The following CAMTA1 variants were observed in gnomAD, a reference collection of about 807,000 sequenced individuals.
CAMTA1 encodes calmodulin binding transcription activator 1, also known as calmodulin-binding transcription activator 1.
A neutral mutation model predicts 170.9 loss-of-function variants in CAMTA1; 27 were observed. That is an observed-to-expected ratio of 0.16 (90% CI 0.12 to 0.22). CAMTA1 has a LOEUF of 0.22. CAMTA1 is among the 10% of genes least tolerant of loss of function. The probability of loss-of-function intolerance (pLI) is 1.00; values close to 1 mark genes in which losing one functional copy is unlikely to be tolerated. For synonymous variants in CAMTA1, 833 were observed against 891.5 expected (o/e 0.93, Z 1.17); for missense variants, 1,619 against 2,217.2 (o/e 0.73, Z 5.42).
intron 4 of CAMTA1, among the ~76,000 whole-genome samples, chr1:7,227,707 G>A (rs1661975876): frequency 2.6e-5 from 4 of 152,182 alleles, no homozygotes; most frequent in Admixed American, 1.3e-4. Flanking sequence ...TCCTAAAATG[G>A]GGGTAATGAT....
intron 6 of CAMTA1, among the ~76,000 whole-genome samples, chr1:7,569,719 GTCA>G (rs770000971): frequency 6.7e-6 from 1 of 148,582 alleles, no homozygotes; most frequent in East Asian, 2.1e-4. Flanking sequence ...CACCACCATT[GTCA>G]TCAACATAAC....
At chr1:7,317,226 G>C (rs1050239789) in intron 5 of CAMTA1, among the ~76,000 whole-genome samples, 1 of 152,216 alleles carries the variant, frequency 6.6e-6, no homozygotes, top group African/African-American at 2.4e-5. Context: ...CCCAGGAGGC[G>C]TGTGGTCCTG....
chr1:7,072,493 T>C lies in CAMTA1; in HGVS notation c.235-18811T>C, dbSNP rs1021489368. Reference sequence around the variant, plus strand: ...GGTGCTGTTCTAGGGATTGGAGATATAGCAGTGATCAAAATGGAGAAAAAT... The same window carrying C: ...GGTGCTGTTCTAGGGATTGGAGATACAGCAGTGATCAAAATGGAGAAAAAT... On this transcript the variant is annotated intron_variant, in intron 3 of 22. Coordinates refer to ENST00000303635, the MANE Select transcript of CAMTA1 (RefSeq NM_015215.4). 2.6e-5 allele frequency among the ~76,000 whole-genome samples: 4 copies of C among 152,226 alleles called. No individual in the cohort carries two copies. The South Asian group carries it at 6.2e-4, about 24-fold the overall frequency.
At chr1:7,158,237 G>T (rs960921145) in intron 4 of CAMTA1, among the ~76,000 whole-genome samples, 2 of 152,164 alleles carry the variant, frequency 1.3e-5, no homozygotes, top group Non-Finnish European at 2.9e-5. Context: ...CAGAGTAAAA[G>T]AAGCCAGAAA....
At chr1:7,003,159 A>G (rs1477235135) in intron 3 of CAMTA1, among the ~76,000 whole-genome samples, 1 of 152,216 alleles carries the variant, frequency 6.6e-6, no homozygotes, top group Non-Finnish European at 1.5e-5. Flanking sequence ...TGACAACAAG[A>G]AATGTTTCTA....
At position 7,621,292 on chromosome 1, in the gene CAMTA1, C is replaced by T. The variant is rs146021849; in HGVS notation, c.511-19108C>T. 3.9e-3 allele frequency among the ~76,000 whole-genome samples: 598 copies of T among 152,326 alleles called. 1 individual carries two copies. Among genetic ancestry groups the T allele is most frequent in the Middle Eastern group, 0.014 (4 of 294 alleles). On this transcript the variant is annotated intron_variant, in intron 6 of 22. Transcript: ENST00000303635. ...CCCCCATGGTGGGTGCTGGAGAGCC[C>T]CTGAGCCCTTTTATTTCACAGTGAC...
intron 16 of CAMTA1, among the ~76,000 whole-genome samples, chr1:7,741,567 A>C (rs375891738): frequency 6.6e-6 from 1 of 151,918 alleles, no homozygotes; most frequent in East Asian, 1.9e-4. Flanking sequence ...CTCTCAAAAA[A>C]AAAAAAATGT....
At chr1:7,310,716 T>A (rs141589725) in intron 5 of CAMTA1, among the ~76,000 whole-genome samples, 1 of 72,888 alleles carries the variant, frequency 1.4e-5, no homozygotes, top group Non-Finnish European at 2.4e-5. Context: ...CTTTCTTTCT[T>A]TCTTTCTTTC....
chr1:7,579,552 C>CTTTCTTTCTTTTTTTTTTTTTTTT (rs1436192966), intron 6 of CAMTA1, among the ~76,000 whole-genome samples: 13 of 79,196 alleles, frequency 1.6e-4, no homozygotes, highest in African/African-American at 7.7e-4. Flanking sequence ...CTTTTCTTTT[C>CTTTCTTTCTTTTTTTTTTTTTTTT]TTTTTTTTTT....
At chr1:6,923,733 C>A (rs907511021) in intron 3 of CAMTA1, among the ~76,000 whole-genome samples, 1 of 152,144 alleles carries the variant, frequency 6.6e-6, no homozygotes, top group South Asian at 2.1e-4. Flanking sequence ...TCCTCTCCTT[C>A]TTTCATGGAT....
intron 3 of CAMTA1, among the ~76,000 whole-genome samples, chr1:6,996,691 AAG>A (rs1443495999): frequency 4.1e-5 from 6 of 145,680 alleles, no homozygotes; most frequent in South Asian, 2.1e-4. Flanking sequence ...TTAAAAAAAA[AAG>A]AAAGAAAGAA....
intron 6 of CAMTA1, among the ~76,000 whole-genome samples, chr1:7,489,861 C>G (rs927604153): frequency 3.3e-5 from 5 of 152,192 alleles, no homozygotes; most frequent in Non-Finnish European, 7.3e-5. Context: ...GTCCCCACTC[C>G]TCCATGTCTG....
chr1:7,578,829 G>A (rs1375559231), intron 6 of CAMTA1, among the ~76,000 whole-genome samples: 1 of 152,188 alleles, frequency 6.6e-6, no homozygotes, highest in Non-Finnish European at 1.5e-5. Context: ...ATGCGTGTAT[G>A]GGGGCACAGC....
intron 4 of CAMTA1, among the ~76,000 whole-genome samples, chr1:7,147,477 C>T (rs967678034): frequency 6.6e-6 from 1 of 150,882 alleles, no homozygotes; most frequent in African/African-American, 2.4e-5. Context: ...ATTCATATAC[C>T]ATGCACACAC....
chr1:7,554,589 G>T (rs1292514067), intron 6 of CAMTA1, among the ~76,000 whole-genome samples: 3 of 152,108 alleles, frequency 2.0e-5, no homozygotes, highest in African/African-American at 4.8e-5. Flanking sequence ...CCCTGCTCTT[G>T]CCCCCTCCTG....
At chr1:7,621,683 G>A (rs7555394) in intron 6 of CAMTA1, among the ~76,000 whole-genome samples, 30,247 of 152,136 alleles carry the variant, frequency 0.2, 3,962 homozygotes, top group African/African-American at 0.37. Context: ...TTATAACAAG[G>A]GGGCTGGTGA....
intron 5 of CAMTA1, among the ~76,000 whole-genome samples, chr1:7,276,289 A>ATT (rs1393755906): frequency 3.7e-5 from 2 of 53,520 alleles, no homozygotes; most frequent in African/African-American, 1.5e-4. Context: ...ATATATATAT[A>ATT]TATATATATA....
chr1:7,439,771 C>T (rs988300778), intron 5 of CAMTA1, among the ~76,000 whole-genome samples: 3 of 152,166 alleles, frequency 2.0e-5, no homozygotes, highest in African/African-American at 7.2e-5. Flanking sequence ...TCCCCAGGTG[C>T]AGATGAAGGG....
At chr1:7,233,624 G>A (rs1035748745) in intron 4 of CAMTA1, among the ~76,000 whole-genome samples, 9 of 152,156 alleles carry the variant, frequency 5.9e-5, no homozygotes, top group Non-Finnish European at 1.2e-4. Context: ...AGTTATGAAG[G>A]TAGAGAGGCA....
Sources: gnomAD v4.1 joint callset for allele counts (sites outside exome capture counted in the v4.1 genomes callset) on GRCh38, gnomAD v4.1.1 for gene constraint, MANE v1.5 for transcripts, NCBI Gene and HGNC (gene_info 2026-07-23, HGNC 2026-07-21) for gene names.